ZFAT: variants seen among roughly 807,000 people sequenced by gnomAD.
ZFAT encodes the protein zinc finger and AT-hook domain containing.
In ZFAT, 64 loss-of-function variants were observed where a neutral mutation model predicts 117.7. The observed-to-expected ratio is 0.54, with a 90% CI of 0.44 to 0.67. The LOEUF is 0.67. Among genes scored for constraint, ZFAT ranks in the 30% least tolerant of loss-of-function variants. ZFAT has a pLI of 0.00. For synonymous variants in ZFAT, 679 were observed against 615.0 expected (o/e 1.10, Z -1.54); for missense variants, 1,433 against 1,584.5 (o/e 0.90, Z 1.62).
At chr8:134,526,863 A>G (rs2130517661) in intron 12 of ZFAT, among the ~76,000 whole-genome samples, 1 of 151,388 alleles carries the variant, frequency 6.6e-6, no homozygotes, top group African/African-American at 2.4e-5. Context: ...TTTTTTTGAG[A>G]TGAGCCACTG....
intron 15 of ZFAT, among the ~76,000 whole-genome samples, chr8:134,502,883 C>A (rs1411399673): frequency 3.3e-5 from 5 of 152,184 alleles, no homozygotes; most frequent in Non-Finnish European, 5.9e-5. Flanking sequence ...CCCACTGAGG[C>A]CCCAGCACAC....
intron 1 of ZFAT, among the ~76,000 whole-genome samples, chr8:134,694,288 T>C (rs1187678716): frequency 6.6e-6 from 1 of 152,216 alleles, no homozygotes; most frequent in Admixed American, 6.5e-5. Flanking sequence ...TTTCTCACTT[T>C]GATAACTGAA....
At chr8:134,811,479 C>T in the ZFAT span, among the ~76,000 whole-genome samples, 1 of 152,088 alleles carries the variant, frequency 6.6e-6, no homozygotes. Context: ...CCATTATTCC[C>T]AGGTCAGAAA....
At chr8:134,521,028 A>C in intron 12 of ZFAT, 27 bp from the exon 13 acceptor site, 1 of 1,568,898 alleles carries the variant, frequency 6.4e-7, no homozygotes, top group Non-Finnish European at 8.7e-7. Context: ...AGGTTAAAAA[A>C]AAAATGTGTT....
chr8:134,666,716 A>G (rs951979200), intron 1 of ZFAT, among the ~76,000 whole-genome samples: 1 of 152,192 alleles, frequency 6.6e-6, no homozygotes, highest in African/African-American at 2.4e-5. Context: ...GAAAAATAAC[A>G]TGAAAAAGAG....
chr8:134,727,827 A>G, the ZFAT span, among the ~76,000 whole-genome samples: 1 of 152,202 alleles, frequency 6.6e-6, no homozygotes. Flanking sequence ...GTGTGCCAAT[A>G]AAAGTTTATT....
chr8:134,751,292 CA>C, the ZFAT span, among the ~76,000 whole-genome samples: 1 of 152,152 alleles, frequency 6.6e-6, no homozygotes, highest in Non-Finnish European at 1.5e-5. Flanking sequence ...TCACTGGGGT[CA>C]GGGGGCTCCA....
chr8:134,760,670 T>C, the ZFAT span, among the ~76,000 whole-genome samples: 3 of 152,202 alleles, frequency 2.0e-5, no homozygotes, highest in Non-Finnish European at 2.9e-5. Context: ...TATCCATTCA[T>C]TGATTTATTC....
chr8:134,568,176 A>G (rs1159987746), intron 10 of ZFAT, among the ~76,000 whole-genome samples: 5 of 152,264 alleles, frequency 3.3e-5, no homozygotes, highest in African/African-American at 1.2e-4. Flanking sequence ...ACAAATATTA[A>G]TACCACAGTT....
chr8:134,527,527 C>A (rs1478954587), intron 12 of ZFAT, among the ~76,000 whole-genome samples: 1 of 152,226 alleles, frequency 6.6e-6, no homozygotes, highest in Non-Finnish European at 1.5e-5. Context: ...TTCCTACTGT[C>A]TCTTAACTCA....
At chr8:134,556,535 G>C (rs952402836) in intron 11 of ZFAT, among the ~76,000 whole-genome samples, 3 of 151,466 alleles carry the variant, frequency 2.0e-5, no homozygotes, top group African/African-American at 7.3e-5. Context: ...ATGTTAATAT[G>C]ATGAAAACCA....
chr8:134,524,179 T>G (rs1348805327), intron 12 of ZFAT, among the ~76,000 whole-genome samples: 1 of 152,184 alleles, frequency 6.6e-6, no homozygotes, highest in Admixed American at 6.5e-5. Context: ...TGTACACATC[T>G]GTCCCCTCAC....
chr8:134,581,367 G>A (rs6577654), intron 10 of ZFAT, among the ~76,000 whole-genome samples: 37,636 of 151,956 alleles, frequency 0.25, 5,073 homozygotes, highest in East Asian at 0.52. Context: ...AAGCTGTACC[G>A]GCCCCTCCTA....
rs1164432137 is a variant in ZFAT, at chr8:134,588,249, C to T, written c.2710G>A (p.Glu904Lys). Residue 904 changes from glutamate (E) to lysine (K), a missense_variant, in exon 9 of 16, where the codon GAA becomes AAA. This residue lies in a region of ZFAT where 503 missense variants were observed against 543.4 expected (regional missense o/e 0.93). Coordinates refer to ENST00000377838, the MANE Select transcript of ZFAT (RefSeq NM_020863.4). The part of the protein sequence containing the change: ...SDLQRHIWAH[E>K]GVKPFKCSLC... The stretch of plus-strand genomic sequence containing the variant: ...ATTTGGAAAGATGAATACTCACCTT[C>T]ATGAGCCCAAATATGACGCTGAAGG... 6.4e-7 allele frequency: 1 copy of T among 1,561,438 alleles called. No individual in the cohort carries two copies. The highest frequency in any genetic ancestry group is 1.2e-5 in the South Asian group (1 of 83,812).
chr8:134,558,239 C>T lies in ZFAT; in HGVS notation c.2976+7094G>A, dbSNP rs150169315. On this transcript the variant is annotated intron_variant, in intron 11 of 15. Transcript: ENST00000377838. ...TAACTCTCTTCATGAAAGAGCAAAC[C>T]TGAGGTCCTCCCCAGCACCCCAGCA... is the stretch of plus-strand genomic sequence containing the variant. Among the ~76,000 whole-genome samples the T allele has an allele frequency of 2.8e-3, 434 of 152,282 alleles. 1 individual carries two copies. Among genetic ancestry groups the T allele is most frequent in the African/African-American group, 9.9e-3 (410 of 41,528 alleles).
the ZFAT span, among the ~76,000 whole-genome samples, chr8:134,771,077 T>C: frequency 6.6e-6 from 1 of 152,256 alleles, no homozygotes; most frequent in Non-Finnish European, 1.5e-5. Flanking sequence ...GATATTCTAA[T>C]ACCCTGTTAA....
intron 1 of ZFAT, among the ~76,000 whole-genome samples, chr8:134,687,788 C>T (rs980925324): frequency 1.3e-5 from 2 of 152,220 alleles, no homozygotes; most frequent in Non-Finnish European, 2.9e-5. Flanking sequence ...CTCCCATTTT[C>T]TAGAGTACTG....
intron 1 of ZFAT, among the ~76,000 whole-genome samples, chr8:134,703,047 A>G (rs964197877): frequency 1.3e-5 from 2 of 152,236 alleles, no homozygotes; most frequent in Non-Finnish European, 2.9e-5. Context: ...CTAATATATA[A>G]GTGTACCTTC....
intron 15 of ZFAT, among the ~76,000 whole-genome samples, chr8:134,489,958 T>C (rs1366344821): frequency 1.3e-5 from 2 of 152,132 alleles, no homozygotes; most frequent in African/African-American, 2.4e-5. Flanking sequence ...TCAGCCCAGA[T>C]TCTGCTCTTA....
Sources: allele counts gnomAD v4.1 joint callset (sites outside exome capture counted in the v4.1 genomes callset), GRCh38; gene constraint gnomAD v4.1.1; regional missense constraint gnomAD v4.1.1; transcripts MANE v1.5; gene names NCBI Gene and HGNC (gene_info 2026-07-23, HGNC 2026-07-21).